BAZ2B: variants seen among roughly 807,000 people sequenced by gnomAD.
BAZ2B encodes bromodomain adjacent to zinc finger domain 2B.
BAZ2B carries 91 observed loss-of-function variants against 246.0 expected under a neutral mutation model. The observed-to-expected ratio is 0.37, with a 90% CI of 0.31 to 0.44. The LOEUF (loss-of-function observed/expected upper bound fraction) is 0.44, where lower values mean the gene tolerates loss of function less well. BAZ2B is among the 20% of genes least tolerant of loss of function. The pLI is 1.00. For synonymous variants in BAZ2B, 855 were observed against 860.0 expected (o/e 0.99, Z 0.10); for missense variants, 2,332 against 2,533.7 (o/e 0.92, Z 1.71).
In BAZ2B at chr2:159,349,108, T is replaced by C; in HGVS notation, c.5036A>G (p.Glu1679Gly). Residue 1679 changes from glutamate (E) to glycine (G), a missense_variant, in exon 29 of 37, where the codon GAA (glutamate) becomes GGA (glycine). Physicochemically the swap from Glu to Gly is moderately conservative, Grantham distance 98. Coordinates refer to ENST00000392783, the MANE Select transcript of BAZ2B (RefSeq NM_013450.4). ...CTTTTCATTCTGTGGTACTGGAGATTCACTTTTACTTGAAGCAACATTGGA... is the reference window on the plus strand; with the variant it reads ...CTTTTCATTCTGTGGTACTGGAGATCCACTTTTACTTGAAGCAACATTGGA... ...LTSNVASSKSESPVPQNEKAT... is the reference protein window; with the variant it reads ...LTSNVASSKSGSPVPQNEKAT... The C allele has an allele frequency of 1.2e-6, 2 of 1,614,098 alleles. No individual in the cohort carries two copies. The highest frequency in any genetic ancestry group is 1.7e-6 in the Non-Finnish European group (2 of 1,179,982).
chr2:159,579,675 A>G (rs548563763), intron 1 of BAZ2B, among the ~76,000 whole-genome samples: 2 of 152,344 alleles, frequency 1.3e-5, no homozygotes, highest in South Asian at 4.1e-4. Context: ...AAAATCCTCA[A>G]TAAAATACTG....
At chr2:159,505,446 C>T (rs947443164) in intron 2 of BAZ2B, among the ~76,000 whole-genome samples, 3 of 152,128 alleles carry the variant, frequency 2.0e-5, no homozygotes, top group Admixed American at 2.0e-4. Flanking sequence ...GGAAGCCCTC[C>T]AGAAGATTCC....
the BAZ2B span, among the ~76,000 whole-genome samples, chr2:159,683,721 T>C: frequency 1.3e-5 from 2 of 152,184 alleles, no homozygotes; most frequent in Non-Finnish European, 2.9e-5. Flanking sequence ...TTCCAGGGAC[T>C]ACCAGTATTC....
Position 159,349,744 on chromosome 2 carries a change from A to G in BAZ2B, c.4827T>C (p.Pro1609=). 4 of 1,614,072 alleles carry G rather than the reference A, an allele frequency of 2.5e-6. No individual in the cohort carries two copies. The highest frequency in any genetic ancestry group is 3.4e-6 in the Non-Finnish European group (4 of 1,179,970). The change falls in exon 28 of 37, where the codon CCT becomes CCC. Residue 1609 remains proline, a synonymous_variant. Transcript: ENST00000392783. ...ATAAAGCAAATGGATTTAAGCCAACAGGATTCTGAGCAGAAGATCCAAGAG... is the reference window on the plus strand; with the variant it reads ...ATAAAGCAAATGGATTTAAGCCAACGGGATTCTGAGCAGAAGATCCAAGAG... ...PAPLGSSAQN[P]VGLNPFALSP...
chr2:159,511,823 G>T (rs1022215643), intron 2 of BAZ2B, among the ~76,000 whole-genome samples: 3 of 151,990 alleles, frequency 2.0e-5, no homozygotes, highest in Non-Finnish European at 4.4e-5. Context: ...TGTTGTAGGG[G>T]TCAAACAACA....
chr2:159,600,093 A>T (rs1287707187), intron 1 of BAZ2B, among the ~76,000 whole-genome samples: 1 of 152,154 alleles, frequency 6.6e-6, no homozygotes, highest in African/African-American at 2.4e-5. Flanking sequence ...CCTAGCTCAG[A>T]TTCCTTAGAA....
At chr2:159,622,413 TA>T in the BAZ2B span, among the ~76,000 whole-genome samples, 2 of 151,560 alleles carry the variant, frequency 1.3e-5, no homozygotes, top group Non-Finnish European at 2.9e-5. Flanking sequence ...ATACAAGTAC[TA>T]AAAAAAATTA....
chr2:159,485,134 T>G lies in BAZ2B; in HGVS notation c.-2-6413A>C, dbSNP rs140521167. Among the ~76,000 whole-genome samples the G allele has an allele frequency of 3.3e-3, 496 of 152,282 alleles. 4 individuals carry two copies. The highest frequency in any genetic ancestry group is 0.011 in the African/African-American group (459 of 41,556). On this transcript the variant is annotated intron_variant, in intron 2 of 36. Transcript: ENST00000392783. ...AGTTTTATTATACAAGTTCAATATT[T>G]TCTAAAAATTCTGAGAAAGGTTTAC... is the stretch of plus-strand genomic sequence containing the variant.
At chr2:159,601,415 C>A (rs1409222391) in intron 1 of BAZ2B, among the ~76,000 whole-genome samples, 1 of 126,258 alleles carries the variant, frequency 7.9e-6, no homozygotes. Context: ...CAGAGTGATA[C>A]CCTGTCTCAA....
At chr2:159,356,194 G>A (rs796407296) in intron 27 of BAZ2B, among the ~76,000 whole-genome samples, 6 of 152,260 alleles carry the variant, frequency 3.9e-5, no homozygotes, top group African/African-American at 1.4e-4. Flanking sequence ...GGTCTAGCTC[G>A]GTGGATCCCA....
chr2:159,331,177 T>C (rs1411270186), intron 34 of BAZ2B, among the ~76,000 whole-genome samples: 2 of 152,096 alleles, frequency 1.3e-5, no homozygotes, highest in Non-Finnish European at 2.9e-5. Flanking sequence ...TAGGAGTTCA[T>C]GGCAACAGCA....
chr2:159,637,196 G>C, the BAZ2B span, among the ~76,000 whole-genome samples: 1 of 152,166 alleles, frequency 6.6e-6, no homozygotes, highest in African/African-American at 2.4e-5. Context: ...TTGCACCTTA[G>C]GTACCAGCTT....
At chr2:159,465,993 T>A (rs140820531) in intron 3 of BAZ2B, among the ~76,000 whole-genome samples, 4 of 151,682 alleles carry the variant, frequency 2.6e-5, no homozygotes, top group African/African-American at 7.3e-5. Flanking sequence ...AAAGAGAAAA[T>A]CATGCTGTAA....
chr2:159,677,581 A>C, the BAZ2B span, among the ~76,000 whole-genome samples: 1 of 152,192 alleles, frequency 6.6e-6, no homozygotes, highest in Non-Finnish European at 1.5e-5. Flanking sequence ...CTAATTTTGT[A>C]TCTGTCATTA....
rs1388981314 is a variant in BAZ2B, at chr2:159,382,676, G to C, written c.3888C>G (p.Asp1296Glu). 1 of 1,608,678 alleles carries C rather than the reference G, an allele frequency of 6.2e-7. No individual in the cohort carries two copies. The highest frequency in any genetic ancestry group is 2.2e-5 in the East Asian group (1 of 44,686). The change falls in exon 25 of 37, where the codon GAC becomes GAG. Residue 1296 changes from aspartate (D) to glutamate (E), a missense_variant. This residue lies in a region of BAZ2B where 676 missense variants were observed against 668.6 expected (regional missense o/e 1.01). Coordinates refer to ENST00000392783, the MANE Select transcript of BAZ2B (RefSeq NM_013450.4). ...PGRKRRRKGG[D>E]SDYDDDDDDD... ...CGTCATCATCATCGTCATAATCACT[G>C]TCTCCTCCCTTCCTTCTTCGCTTGC...
At chr2:159,594,158 C>G (rs1690050280) in intron 1 of BAZ2B, among the ~76,000 whole-genome samples, 1 of 152,198 alleles carries the variant, frequency 6.6e-6, no homozygotes, top group African/African-American at 2.4e-5. Flanking sequence ...AATCCCAGCA[C>G]TTTGGGAGGC....
At chr2:159,641,208 T>C in the BAZ2B span, among the ~76,000 whole-genome samples, 1 of 152,208 alleles carries the variant, frequency 6.6e-6, no homozygotes, top group Non-Finnish European at 1.5e-5. Flanking sequence ...CATTCCTTTT[T>C]CTCCACAACC....
chr2:159,379,605 A>G (rs2061768559), intron 25 of BAZ2B, among the ~76,000 whole-genome samples: 1 of 152,188 alleles, frequency 6.6e-6, no homozygotes, highest in South Asian at 2.1e-4. Flanking sequence ...TGTACTCATG[A>G]TATTTTTACT....
At chr2:159,704,561 C>A in the BAZ2B span, among the ~76,000 whole-genome samples, 1 of 148,058 alleles carries the variant, frequency 6.8e-6, no homozygotes. Context: ...CAGCTCACTG[C>A]GACCTCCACC....
Sources: gnomAD v4.1 joint callset for allele counts (sites outside exome capture counted in the v4.1 genomes callset) on GRCh38, gnomAD v4.1.1 for gene constraint, gnomAD v4.1.1 regional missense constraint, MANE v1.5 for transcripts, NCBI Gene and HGNC (gene_info 2026-07-23, HGNC 2026-07-21) for gene names.